RUBCNL: variants seen among roughly 807,000 people sequenced by gnomAD.
The protein encoded by RUBCNL is protein associated with UVRAG as autophagy enhancer.
A neutral mutation model predicts 69.5 loss-of-function variants in RUBCNL; 62 were observed. The ratio of observed to expected loss-of-function variants is 0.89; its 90% CI spans 0.73 to 1.10. The LOEUF (loss-of-function observed/expected upper bound fraction) is 1.10, where lower values mean the gene tolerates loss of function less well. Ranked by LOEUF, RUBCNL falls within the 50% of genes least tolerant of loss-of-function variation. The pLI, the probability that RUBCNL is intolerant of heterozygous loss-of-function variation, is 0.00. For missense variants in RUBCNL, 768 were observed against 798.1 expected (o/e 0.96, Z 0.45); for synonymous variants, 291 against 303.6 (o/e 0.96, Z 0.43).
chr13:46,367,880 C>T (rs1383686296), intron 5 of RUBCNL, among the ~76,000 whole-genome samples, 162 bp downstream of exon 5: 1 of 151,470 alleles, frequency 6.6e-6, no homozygotes, highest in Non-Finnish European at 1.5e-5. Flanking sequence ...CTCTTGGTTA[C>T]AAGAACAAAA....
rs2048111726 is a variant in RUBCNL, at chr13:46,337,462, T to C, written c.*5923A>G. On this transcript the variant is annotated 3_prime_UTR_variant, in exon 15 of 15. Coordinates refer to ENST00000429979, the MANE Select transcript of RUBCNL (RefSeq NM_025113.5). Reference sequence around the variant, plus strand: ...GAGCCACCGTGCCTGGTCCGCTCTCTCTCCTTTCTACCATGTAAGGATACA... The same window carrying C: ...GAGCCACCGTGCCTGGTCCGCTCTCCCTCCTTTCTACCATGTAAGGATACA... Among the ~76,000 whole-genome samples the C allele has an allele frequency of 6.6e-6, 1 of 152,160 alleles. No individual in the cohort carries two copies. Among genetic ancestry groups the C allele is most frequent in the Non-Finnish European group, 1.5e-5 (1 of 68,026 alleles).
At chr13:46,382,055 C>T (rs921393390) in intron 1 of RUBCNL, among the ~76,000 whole-genome samples, 4 of 152,184 alleles carry the variant, frequency 2.6e-5, no homozygotes, top group African/African-American at 9.7e-5. Flanking sequence ...CCCAGTTCAG[C>T]CTCCCAAAGT....
intron 1 of RUBCNL, among the ~76,000 whole-genome samples, chr13:46,383,334 C>T (rs571896195): frequency 6.6e-6 from 1 of 152,326 alleles, no homozygotes; most frequent in South Asian, 2.1e-4. Flanking sequence ...TTACCCATCA[C>T]CTTCAAACTG....
At chr13:46,387,981 T>G (rs148627460), upstream of RUBCNL, 2,147 of 319,116 alleles carry the variant, frequency 6.7e-3, 28 homozygotes, top group African/African-American at 0.027. Flanking sequence ...GGAGGCCAAG[T>G]CGGATGGATC....
intron 1 of RUBCNL, among the ~76,000 whole-genome samples, chr13:46,381,993 A>G (rs2049128011): frequency 6.6e-6 from 1 of 151,832 alleles, no homozygotes; most frequent in Non-Finnish European, 1.5e-5. Context: ...TAGAGGAAAG[A>G]CCTCACTATG....
intron 5 of RUBCNL, among the ~76,000 whole-genome samples, chr13:46,367,064 T>G (rs1357599791): frequency 2.6e-5 from 4 of 152,144 alleles, no homozygotes; most frequent in African/African-American, 4.8e-5. Context: ...AATATAGGAC[T>G]GGAGGCAGGA....
At chr13:46,375,077 C>T (rs917764488) in intron 2 of RUBCNL, among the ~76,000 whole-genome samples, 1 of 152,202 alleles carries the variant, frequency 6.6e-6, no homozygotes, top group African/African-American at 2.4e-5. Flanking sequence ...TTCATTACCG[C>T]CATTCTCCCC....
intron 4 of RUBCNL, 146 bp from the exon 5 acceptor site, chr13:46,368,395 A>T (rs1468608904): frequency 7.0e-7 from 1 of 1,419,168 alleles, no homozygotes; most frequent in Non-Finnish European, 9.3e-7. Flanking sequence ...ATCATAGGTC[A>T]CTCTATGACT....
At chr13:46,347,031 C>CA (rs1432615704) in intron 12 of RUBCNL, among the ~76,000 whole-genome samples, 1 of 152,174 alleles carries the variant, frequency 6.6e-6, no homozygotes, top group African/African-American at 2.4e-5. Flanking sequence ...AGGTTTGTTA[C>CA]ACAGGTATAT....
chr13:46,355,372 G>A (rs764462673), intron 10 of RUBCNL, among the ~76,000 whole-genome samples: 2 of 147,680 alleles, frequency 1.4e-5, no homozygotes, highest in Admixed American at 6.9e-5. Flanking sequence ...TCGGCTCACT[G>A]CAACCTCTGC....
chr13:46,388,012 G>C (rs1272481141), upstream of RUBCNL: 1 of 184,260 alleles, frequency 5.4e-6, no homozygotes, highest in African/African-American at 2.4e-5. Context: ...AGGAGTTCGA[G>C]ACCAGCCTGG....
chr13:46,355,649 G>A (rs1171419331), intron 10 of RUBCNL, among the ~76,000 whole-genome samples: 1 of 152,100 alleles, frequency 6.6e-6, no homozygotes, highest in African/African-American at 2.4e-5. Context: ...GATCCTCTCA[G>A]GCTACCTCCT....
At chr13:46,381,118 T>C (rs983004422) in intron 1 of RUBCNL, among the ~76,000 whole-genome samples, 26 of 152,074 alleles carry the variant, frequency 1.7e-4, no homozygotes, top group Non-Finnish European at 3.1e-4. Context: ...TGGATATATA[T>C]ACCCAAGAGA....
At chr13:46,364,236 A>T (rs959466828) in intron 5 of RUBCNL, among the ~76,000 whole-genome samples, 1 of 152,012 alleles carries the variant, frequency 6.6e-6, no homozygotes, top group Non-Finnish European at 1.5e-5. Flanking sequence ...TCTACTAAAA[A>T]TACAAAAAAA....
rs1487416467 is a variant in RUBCNL at position 46,336,754 on chromosome 13, G to A, written c.*6631C>T. 6.6e-6 allele frequency among the ~76,000 whole-genome samples: 1 copy of A among 152,154 alleles called. No homozygotes were observed. Among genetic ancestry groups the A allele is most frequent in the African/African-American group, 2.4e-5 (1 of 41,450 alleles). On this transcript the variant is annotated 3_prime_UTR_variant, in exon 15 of 15. Transcript: ENST00000429979. ...GTTGTAGGTAAAGGAAGAAAGAGGT[G>A]TGGAAGCGATGGCAAACATTAAAAA...
At chr13:46,356,577 T>C in intron 9 of RUBCNL, 81 bp from the exon 10 acceptor site, 1 of 1,200,518 alleles carries the variant, frequency 8.3e-7, no homozygotes, top group Non-Finnish European at 1.2e-6. Context: ...GAAATTGCCA[T>C]CGTGATACTT....
At chr13:46,376,237 C>T (rs988298345) in intron 2 of RUBCNL, among the ~76,000 whole-genome samples, 2 of 151,924 alleles carry the variant, frequency 1.3e-5, no homozygotes, top group African/African-American at 4.8e-5. Context: ...GTCCCTAACC[C>T]CTGCATTGTG....
chr13:46,370,406 G>A (rs576205991), intron 3 of RUBCNL, among the ~76,000 whole-genome samples: 5 of 152,272 alleles, frequency 3.3e-5, no homozygotes, highest in South Asian at 2.1e-4. Context: ...GAGATGCAGC[G>A]GTCATAGGAA....
upstream of RUBCNL, among the ~76,000 whole-genome samples, chr13:46,388,240 A>G (rs1207302802): frequency 7.4e-6 from 1 of 134,288 alleles, no homozygotes; most frequent in African/African-American, 2.7e-5. Flanking sequence ...GAAGAAGGGA[A>G]GGAGGGAGGG....
Sources: gnomAD v4.1 joint callset for allele counts (sites outside exome capture counted in the v4.1 genomes callset) on GRCh38, gnomAD v4.1.1 for gene constraint, MANE v1.5 for transcripts, NCBI Gene and HGNC (gene_info 2026-07-23, HGNC 2026-07-21) for gene names.